PDGFD: variants seen among roughly 807,000 people sequenced by gnomAD.
The protein encoded by PDGFD is platelet derived growth factor D.
PDGFD carries 30 observed loss-of-function variants against 44.7 expected under a neutral mutation model. The observed-to-expected ratio is 0.67, with a 90% CI of 0.50 to 0.91. The LOEUF (loss-of-function observed/expected upper bound fraction) is 0.91. Ranked by LOEUF, PDGFD falls within the 40% of genes least tolerant of loss-of-function variation. The pLI is 0.00. For synonymous variants in PDGFD, 173 were observed against 168.4 expected, an observed-to-expected ratio of 1.03 and a Z score of -0.21; for missense variants, 445 against 457.8, an observed-to-expected ratio of 0.97 and a Z score of 0.25.
chr11:103,955,898 T>C (rs1858837018), intron 3 of PDGFD, among the ~76,000 whole-genome samples: 1 of 152,134 alleles, frequency 6.6e-6, no homozygotes, highest in South Asian at 2.1e-4. Flanking sequence ...GACAATCAAG[T>C]ACAATGTTTT....
At chr11:104,084,523 A>C (rs1861092444) in intron 1 of PDGFD, among the ~76,000 whole-genome samples, 1 of 151,840 alleles carries the variant, frequency 6.6e-6, no homozygotes, top group Admixed American at 6.6e-5. Flanking sequence ...AAAGGCATGC[A>C]GGTGGTAGAT....
intron 1 of PDGFD, among the ~76,000 whole-genome samples, chr11:104,021,777 G>A (rs1298890952): frequency 1.3e-5 from 2 of 152,160 alleles, no homozygotes; most frequent in African/African-American, 4.8e-5. Context: ...TATGCTGATA[G>A]CTAACCAATT....
intron 3 of PDGFD, among the ~76,000 whole-genome samples, chr11:103,991,704 A>C (rs1859455363): frequency 6.6e-6 from 1 of 152,234 alleles, no homozygotes; most frequent in African/African-American, 2.4e-5. Context: ...CTGTTACCTG[A>C]TATATTAATA....
intron 3 of PDGFD, among the ~76,000 whole-genome samples, chr11:103,965,369 T>C (rs73600290): frequency 0.022 from 3,397 of 152,296 alleles, 132 homozygotes; most frequent in African/African-American, 0.077. Context: ...ATCTCGTTAA[T>C]AGTTGTACAA....
intron 3 of PDGFD, among the ~76,000 whole-genome samples, chr11:103,979,368 A>G (rs1221196721): frequency 2.0e-5 from 3 of 151,996 alleles, no homozygotes; most frequent in Admixed American, 6.6e-5. Flanking sequence ...TCATTTCCAG[A>G]TCAGCTTCTC....
At chr11:104,150,152 A>G (rs1028698702) in intron 1 of PDGFD, among the ~76,000 whole-genome samples, 1 of 152,186 alleles carries the variant, frequency 6.6e-6, no homozygotes, top group African/African-American at 2.4e-5. Context: ...AAAACATATG[A>G]GCCAACAAAT....
At chr11:104,003,190 G>T (rs1386181013) in intron 1 of PDGFD, among the ~76,000 whole-genome samples, 2 of 152,244 alleles carry the variant, frequency 1.3e-5, no homozygotes, top group Admixed American at 6.5e-5. Flanking sequence ...TTGCTCAAAG[G>T]CCAGGTGAGC....
chr11:104,027,572 A>T (rs1040608915), intron 1 of PDGFD, among the ~76,000 whole-genome samples: 80 of 152,362 alleles, frequency 5.3e-4, no homozygotes, highest in African/African-American at 1.8e-3. Context: ...GTCCAAGGAC[A>T]TTCAGATAAA....
chr11:103,972,551 A>G (rs1859119564), intron 3 of PDGFD, among the ~76,000 whole-genome samples: 1 of 152,148 alleles, frequency 6.6e-6, no homozygotes, highest in South Asian at 2.1e-4. Context: ...TCGTGACATT[A>G]CAGAGTAAGA....
chr11:104,015,561 T>C (rs977196288), intron 1 of PDGFD, among the ~76,000 whole-genome samples: 1 of 152,242 alleles, frequency 6.6e-6, no homozygotes, highest in Non-Finnish European at 1.5e-5. Context: ...GAAAATCATC[T>C]ATTTAACTTT....
At chr11:103,961,619 T>C (rs904208333) in intron 3 of PDGFD, among the ~76,000 whole-genome samples, 9 of 151,764 alleles carry the variant, frequency 5.9e-5, no homozygotes, top group African/African-American at 2.2e-4. Context: ...CAGAGGATCC[T>C]GAAGACCACA....
chr11:104,162,457 T>TA lies in PDGFD; in HGVS notation c.124+1346dup, dbSNP rs542414749. 6.6e-5 allele frequency among the ~76,000 whole-genome samples: 10 copies of TA among 151,884 alleles called. No individual in the cohort carries two copies. In the South Asian group the frequency reaches 1.9e-3, roughly 28 times the overall value. ...TGTTGGGCCTAATCCTTAAGTGTAGTAAAAAAATAAATAAATAAATAAATT... is the reference window on the plus strand; with the variant it reads ...TGTTGGGCCTAATCCTTAAGTGTAGTAAAAAAAATAAATAAATAAATAAATT... On this transcript the variant is annotated intron_variant, in intron 1 of 6. Transcript: ENST00000393158.
chr11:104,111,262 C>CTTT (rs373944945), intron 1 of PDGFD, among the ~76,000 whole-genome samples: 10,927 of 119,394 alleles, frequency 0.092, 525 homozygotes, highest in East Asian at 0.24. Flanking sequence ...ATTATTAATT[C>CTTT]TTTTTTTTTT....
At chr11:103,979,142 C>T (rs1410591170) in intron 3 of PDGFD, among the ~76,000 whole-genome samples, 3 of 152,032 alleles carry the variant, frequency 2.0e-5, no homozygotes, top group Admixed American at 6.6e-5. Context: ...GTGGTACTTT[C>T]TTTCTGCAGT....
chr11:104,017,999 C>A (rs1859885654), intron 1 of PDGFD, among the ~76,000 whole-genome samples: 1 of 152,144 alleles, frequency 6.6e-6, no homozygotes, highest in East Asian at 1.9e-4. Context: ...AAATACAGTA[C>A]CTTATGCTAT....
At chr11:104,132,992 C>A (rs1861945884) in intron 1 of PDGFD, among the ~76,000 whole-genome samples, 1 of 152,080 alleles carries the variant, frequency 6.6e-6, no homozygotes, top group African/African-American at 2.4e-5. Context: ...AAATCAGAGA[C>A]CCTCTTCATC....
At chr11:103,945,845 G>A (rs1858660884) in intron 4 of PDGFD, 2 of 152,046 alleles carry the variant, frequency 1.3e-5, no homozygotes, top group South Asian at 4.2e-4. Context: ...CCAAACCATA[G>A]GTAAAATGCA....
chr11:104,142,547 T>C (rs899501626), intron 1 of PDGFD, among the ~76,000 whole-genome samples: 4 of 152,180 alleles, frequency 2.6e-5, no homozygotes, highest in African/African-American at 9.7e-5. Flanking sequence ...TAACAACAGA[T>C]GCTCAATAAT....
At chr11:104,039,551 T>C (rs1244414662) in intron 1 of PDGFD, among the ~76,000 whole-genome samples, 1 of 152,148 alleles carries the variant, frequency 6.6e-6, no homozygotes, top group East Asian at 1.9e-4. Context: ...CTATAGGTGT[T>C]CCCATGCTCA....
Sources: allele counts gnomAD v4.1 joint callset (sites outside exome capture counted in the v4.1 genomes callset), GRCh38; gene constraint gnomAD v4.1.1; transcripts MANE v1.5; gene names NCBI Gene and HGNC (gene_info 2026-07-23, HGNC 2026-07-21).